The following PDE4D variants were observed in gnomAD, a reference collection of about 807,000 sequenced individuals.
The protein encoded by PDE4D is 3',5'-cyclic-AMP phosphodiesterase 4D.
Under a neutral mutation model 87.4 loss-of-function variants are expected in PDE4D, and 24 were observed. The ratio of observed to expected loss-of-function variants is 0.27; its 90% CI spans 0.20 to 0.39. The LOEUF (loss-of-function observed/expected upper bound fraction) is 0.39, where lower values mean the gene tolerates loss of function less well. Among genes scored for constraint, PDE4D ranks in the 10% least tolerant of loss-of-function variants. The pLI is 1.00. For missense variants in PDE4D, 714 were observed against 1,041.0 expected, an observed-to-expected ratio of 0.69 and a Z score of 4.32; for synonymous variants, 384 against 383.2, an observed-to-expected ratio of 1.00 and a Z score of -0.02.
intron 1 of PDE4D, among the ~76,000 whole-genome samples, chr5:59,531,225 T>C (rs1180583685): frequency 6.6e-6 from 1 of 152,202 alleles, no homozygotes; most frequent in African/African-American, 2.4e-5. Context: ...ATCATTGTCC[T>C]AGTCTCAGCT....
intron 1 of PDE4D, among the ~76,000 whole-genome samples, chr5:59,692,137 T>A (rs1333921704): frequency 1.3e-5 from 2 of 152,178 alleles, no homozygotes; most frequent in African/African-American, 4.8e-5. Flanking sequence ...AAGGTTCTGA[T>A]ACGTAGAATA....
chr5:59,836,656 A>ATCTATATATCTATCTATCTT (rs1207936243), intron 1 of PDE4D, among the ~76,000 whole-genome samples: 442 of 149,268 alleles, frequency 3.0e-3, no homozygotes, highest in African/African-American at 0.011. Flanking sequence ...CTATCTATCT[A>ATCTATATATCTATCTATCTT]TCATCTATCT....
chr5:59,573,620 A>C (rs904996182), intron 1 of PDE4D, among the ~76,000 whole-genome samples: 1 of 152,030 alleles, frequency 6.6e-6, no homozygotes, highest in Non-Finnish European at 1.5e-5. Flanking sequence ...TTATGCAGAG[A>C]AGTTTTCACC....
intron 1 of PDE4D, among the ~76,000 whole-genome samples, chr5:59,838,654 C>T (rs1028845135): frequency 5.9e-5 from 9 of 152,110 alleles, no homozygotes; most frequent in African/African-American, 1.4e-4. Context: ...CTGAAACTTC[C>T]GTCATGAAGG....
intron 1 of PDE4D, among the ~76,000 whole-genome samples, chr5:59,328,048 T>A (rs1435424278): frequency 2.0e-5 from 3 of 152,190 alleles, no homozygotes; most frequent in African/African-American, 7.2e-5. Flanking sequence ...GCACATGTGG[T>A]CCAAGATCCA....
At chr5:60,296,495 C>A (rs1753402638) in intron 1 of PDE4D, among the ~76,000 whole-genome samples, 1 of 152,150 alleles carries the variant, frequency 6.6e-6, no homozygotes. Context: ...TACACACATA[C>A]GTATCCACAC....
At chr5:58,995,431 T>C (rs1748998209) in intron 6 of PDE4D, among the ~76,000 whole-genome samples, 1 of 152,176 alleles carries the variant, frequency 6.6e-6, no homozygotes, top group Admixed American at 6.5e-5. Context: ...AAAATAAACT[T>C]TGGGCCTTCT....
chr5:59,358,974 C>T (rs1582145799), intron 1 of PDE4D, among the ~76,000 whole-genome samples: 1 of 152,264 alleles, frequency 6.6e-6, no homozygotes, highest in South Asian at 2.1e-4. Flanking sequence ...AAGATAAACC[C>T]TATCTTTGTA....
intron 2 of PDE4D, among the ~76,000 whole-genome samples, chr5:60,109,572 T>C (rs1481947433): frequency 3.9e-5 from 6 of 151,990 alleles, no homozygotes; most frequent in Non-Finnish European, 7.4e-5. Flanking sequence ...GTATGTTTAT[T>C]GTGGCACTAT....
intron 1 of PDE4D, chr5:60,521,959 C>T (rs1191586537): frequency 6.6e-6 from 1 of 151,566 alleles, no homozygotes; most frequent in Non-Finnish European, 1.5e-5. Flanking sequence ...AAATGCTTCC[C>T]TCAGTTCATT....
chr5:60,486,183 C>G (rs1749123387), intron 1 of PDE4D, among the ~76,000 whole-genome samples: 1 of 152,136 alleles, frequency 6.6e-6, no homozygotes, highest in South Asian at 2.1e-4. Flanking sequence ...TAGATGGGCT[C>G]CAGACCACCT....
intron 1 of PDE4D, among the ~76,000 whole-genome samples, chr5:59,674,963 G>T (rs1747822025): frequency 6.6e-6 from 1 of 152,156 alleles, no homozygotes; most frequent in South Asian, 2.1e-4. Flanking sequence ...AGTGACTGAG[G>T]TAAATCATGG....
At chr5:59,652,800 G>C (rs1416714118) in intron 1 of PDE4D, among the ~76,000 whole-genome samples, 3 of 150,872 alleles carry the variant, frequency 2.0e-5, no homozygotes, top group African/African-American at 7.3e-5. Context: ...AGATCTTATT[G>C]CATGTTTTTT....
intron 1 of PDE4D, among the ~76,000 whole-genome samples, chr5:59,298,419 G>T (rs1769530817): frequency 6.6e-6 from 1 of 151,906 alleles, no homozygotes; most frequent in Non-Finnish European, 1.5e-5. Flanking sequence ...CTGGCCATAA[G>T]TGTAACTTTT....
At chr5:60,047,969 A>G (rs1448040125) in intron 2 of PDE4D, among the ~76,000 whole-genome samples, 1 of 152,182 alleles carries the variant, frequency 6.6e-6, no homozygotes, top group East Asian at 1.9e-4. Context: ...GTGGGGTGTT[A>G]AAGTCTCCCA....
chr5:59,584,992 C>T (rs866064196), intron 1 of PDE4D, among the ~76,000 whole-genome samples: 8 of 152,004 alleles, frequency 5.3e-5, no homozygotes, highest in African/African-American at 1.9e-4. Flanking sequence ...GATGCCTGAC[C>T]CTCACCAACA....
At chr5:60,157,891 C>CCCTT (rs112255610) in intron 2 of PDE4D, among the ~76,000 whole-genome samples, 7,014 of 146,790 alleles carry the variant, frequency 0.048, 517 homozygotes, top group African/African-American at 0.16. Context: ...CCCTTTCTTT[C>CCCTT]CCTTCCTTCC....
At chr5:59,964,093 A>C (rs1455024967) in intron 3 of PDE4D, among the ~76,000 whole-genome samples, 1 of 152,194 alleles carries the variant, frequency 6.6e-6, no homozygotes, top group Non-Finnish European at 1.5e-5. Flanking sequence ...TATAAAATGC[A>C]CTTGGTTCCA....
intron 5 of PDE4D, among the ~76,000 whole-genome samples, chr5:59,078,459 A>G (rs1766086823): frequency 6.6e-6 from 1 of 151,772 alleles, no homozygotes; most frequent in Admixed American, 6.6e-5. Flanking sequence ...TCCATCCAAA[A>G]CTCAGGCTGA....
Sources: gnomAD v4.1 joint callset for allele counts (sites outside exome capture counted in the v4.1 genomes callset) on GRCh38, gnomAD v4.1.1 for gene constraint, MANE v1.5 for transcripts, NCBI Gene and HGNC (gene_info 2026-07-23, HGNC 2026-07-21) for gene names.